CLCA1: variants seen among roughly 807,000 people sequenced by gnomAD.
CLCA1 encodes chloride channel accessory 1.
CLCA1 carries 59 observed loss-of-function variants against 85.6 expected under a neutral mutation model. The ratio of observed to expected loss-of-function variants is 0.69; its 90% CI spans 0.56 to 0.86. The LOEUF (loss-of-function observed/expected upper bound fraction) is 0.86, where lower values mean the gene tolerates loss of function less well. Ranked by LOEUF, CLCA1 falls within the 40% of genes least tolerant of loss-of-function variation. The pLI, the probability that CLCA1 is intolerant of heterozygous loss-of-function variation, is 0.00. For synonymous variants in CLCA1, 396 were observed against 398.3 expected, an observed-to-expected ratio of 0.99 and a Z score of 0.07; for missense variants, 1,022 against 1,101.4, an observed-to-expected ratio of 0.93 and a Z score of 1.02.
At chr1:86,497,861 G>C (rs746423714) in intron 12 of CLCA1, among the ~76,000 whole-genome samples, 1 of 152,188 alleles carries the variant, frequency 6.6e-6, no homozygotes, top group African/African-American at 2.4e-5. Context: ...TTAGTCTTTA[G>C]GCCCGGCACA....
In CLCA1 at chr1:86,485,525, T is replaced by G. The variant is rs1287489550; in HGVS notation, c.918T>G (p.Ile306Met). The change falls in exon 6 of 14, where the codon ATT becomes ATG. Residue 306 changes from isoleucine to methionine, a missense_variant. Coordinates refer to ENST00000394711, the MANE Select transcript of CLCA1 (RefSeq NM_001285.4). ...CATTGCTGCAGATTGGACAAAGAAT[T>G]GTGTGTTTAGTCCTTGACAAATCTG... ...TFSLLQIGQR[I>M]VCLVLDKSGS... 2 of 1,614,136 alleles carry G rather than the reference T, an allele frequency of 1.2e-6. No homozygotes were observed. Among genetic ancestry groups the G allele is most frequent in the Non-Finnish European group, 1.7e-6 (2 of 1,180,022 alleles).
intron 4 of CLCA1, among the ~76,000 whole-genome samples, chr1:86,479,735 A>C (rs979841350): frequency 3.9e-5 from 6 of 152,128 alleles, no homozygotes; most frequent in Non-Finnish European, 8.8e-5. Context: ...AATACAAAAA[A>C]TTAGCCAGGC....
At position 86,470,849 on chromosome 1, in the gene CLCA1, T is replaced by C. The variant is rs573498758; in HGVS notation, c.162+1716T>C. On this transcript the variant is annotated intron_variant, in intron 1 of 13. Coordinates refer to ENST00000394711, the MANE Select transcript of CLCA1 (RefSeq NM_001285.4). Reference sequence around the variant, plus strand: ...AACAACCTTCTTGCTGATGAGAGACTCTCCCCTGGTGCCCCTGTGGGGACA... The same window carrying C: ...AACAACCTTCTTGCTGATGAGAGACCCTCCCCTGGTGCCCCTGTGGGGACA... Among the ~76,000 whole-genome samples the C allele has an allele frequency of 1.7e-4, 26 of 152,230 alleles. No individual in the cohort carries two copies. The East Asian group carries it at 5.0e-3, about 29-fold the overall frequency.
At chr1:86,481,409 G>A (rs565896236) in intron 4 of CLCA1, among the ~76,000 whole-genome samples, 69 of 152,092 alleles carry the variant, frequency 4.5e-4, no homozygotes, top group South Asian at 6.2e-4. Context: ...AAAGTGCTGG[G>A]ATTACAGGTG....
chr1:86,489,005 A>C lies in CLCA1; in HGVS notation c.1192A>C (p.Lys398Gln). Residue 398 changes from lysine (K) to glutamine (Q), a missense_variant, in exon 8 of 14, where the codon AAG becomes CAG. Coordinates refer to ENST00000394711, the MANE Select transcript of CLCA1 (RefSeq NM_001285.4). ...GLRSAFTVIR[K>Q]KYPTDGSEIV... ...TAAATTCTGTCCTTAGGTGATTAGG[A>C]AGAAATATCCAACTGATGGATCTGA... 1 of 1,613,910 alleles carries C rather than the reference A, an allele frequency of 6.2e-7. No individual in the cohort carries two copies.
intron 5 of CLCA1, among the ~76,000 whole-genome samples, chr1:86,483,909 T>A (rs1647886109): frequency 6.6e-6 from 1 of 152,152 alleles, no homozygotes. Flanking sequence ...CAGTTCCACA[T>A]GGCTAGGGAG....
rs754939887 is a variant in CLCA1 at position 86,468,946 on chromosome 1, G to A, written c.-26G>A. 2 of 1,569,826 alleles carry A rather than the reference G, an allele frequency of 1.3e-6. No homozygotes were observed. The highest frequency in any genetic ancestry group is 1.9e-5 in the Admixed American group (1 of 53,930). On this transcript the variant is annotated 5_prime_UTR_variant, in exon 1 of 14. Transcript: ENST00000394711. ...CTTCGTAACCCGCATTTTCCAAAGAGAGAAATCACAGGGAGATGTACAGCA... is the reference window on the plus strand; with the variant it reads ...CTTCGTAACCCGCATTTTCCAAAGAAAGAAATCACAGGGAGATGTACAGCA...
chr1:86,475,317 TGCCCC>T (rs1647612612), intron 3 of CLCA1, among the ~76,000 whole-genome samples: 1 of 152,186 alleles, frequency 6.6e-6, no homozygotes, highest in Non-Finnish European at 1.5e-5. Flanking sequence ...TTCCACAGAA[TGCCCC>T]ACCTCACATA....
chr1:86,491,504 G>A (rs1648133888), intron 9 of CLCA1, 133 bp downstream of exon 9: 3 of 560,300 alleles, frequency 5.4e-6, no homozygotes, highest in South Asian at 6.0e-5. Flanking sequence ...GGTCCAGCTT[G>A]ATATTAAACA....
In CLCA1 at chr1:86,487,417, C is replaced by T. The variant is rs72951901; in HGVS notation, c.1182+664C>T. The stretch of plus-strand genomic sequence containing the variant: ...ATTCTGCATCTTCCATTCAGATGAG[C>T]GAGAGAGAGAGAGTGTGCAGTACAC... On this transcript the variant is annotated intron_variant, in intron 7 of 13. Transcript: ENST00000394711. Among the ~76,000 whole-genome samples the T allele has an allele frequency of 2.6e-3, 395 of 151,886 alleles. 2 individuals carry two copies. The highest frequency in any genetic ancestry group is 8.9e-3 in the African/African-American group (370 of 41,380).
Position 86,482,395 on chromosome 1 carries a change from T to C in CLCA1, c.735+13T>C. ...ACATGTTGATTCTGTAAGTACCTTG[T>C]TCTCACCCCCTCCCCCAGATTCTTA... On this transcript the variant is annotated intron_variant, in intron 5 of 13. Transcript: ENST00000394711. 5.0e-6 allele frequency: 8 copies of C among 1,608,494 alleles called. No individual in the cohort carries two copies. The highest frequency in any genetic ancestry group is 6.8e-6 in the Non-Finnish European group (8 of 1,176,684).
intron 5 of CLCA1, among the ~76,000 whole-genome samples, chr1:86,483,989 GA>G (rs1647888207): frequency 6.6e-6 from 1 of 152,062 alleles, no homozygotes; most frequent in Admixed American, 6.5e-5. Context: ...GGTGGCAGGA[GA>G]GAGAGAATGC....
At chr1:86,471,589 T>C (rs1045168912) in intron 1 of CLCA1, among the ~76,000 whole-genome samples, 11 of 152,234 alleles carry the variant, frequency 7.2e-5, no homozygotes, top group Admixed American at 4.6e-4. Context: ...AGTCAAATGG[T>C]AAAACAATAC....
chr1:86,492,684 C>A (rs1648168709), intron 9 of CLCA1, among the ~76,000 whole-genome samples: 1 of 152,206 alleles, frequency 6.6e-6, no homozygotes, highest in African/African-American at 2.4e-5. Flanking sequence ...TACCTCACTC[C>A]CACTCTGCAG....
Position 86,485,549 on chromosome 1 carries a change from T to C in CLCA1, c.942T>C (p.Ser314=). 1 of 1,614,112 alleles carries C rather than the reference T, an allele frequency of 6.2e-7. No individual in the cohort carries two copies. The highest frequency in any genetic ancestry group is 8.5e-7 in the Non-Finnish European group (1 of 1,179,942). ...TTGTGTGTTTAGTCCTTGACAAATC[T>C]GGAAGCATGGCGGTATGTTCAATGA... ...QRIVCLVLDK[S]GSMATGNRLN... is the part of the protein sequence containing the mutation. The change falls in exon 6 of 14, where the codon TCT becomes TCC. Residue 314 remains serine (S), a synonymous_variant. Transcript: ENST00000394711.
intron 6 of CLCA1, 123 bp from the exon 7 acceptor site, chr1:86,486,403 T>C: frequency 1.2e-6 from 1 of 808,968 alleles, no homozygotes; most frequent in Non-Finnish European, 1.9e-6. Context: ...AGGATATGCC[T>C]CAAGTAAGCT....
At chr1:86,483,696 G>A (rs186024651) in intron 5 of CLCA1, among the ~76,000 whole-genome samples, 2 of 152,176 alleles carry the variant, frequency 1.3e-5, no homozygotes, top group East Asian at 3.9e-4. Flanking sequence ...AATAATTCAG[G>A]TGCAGAGAGG....
chr1:86,494,293 AAACG>A lies in CLCA1; in HGVS notation c.1791_1794del (p.Asn598ArgfsTer11). On this transcript the variant is annotated frameshift_variant, in exon 11 of 14. Coordinates refer to ENST00000394711, the MANE Select transcript of CLCA1 (RefSeq NM_001285.4). LOFTEE classifies it high-confidence loss of function. ...CTGCCTCCAATTACAGTGACTTCCA[AAACG>A]AACAAGGACACCAGCAAATTCCCCA... The A allele has an allele frequency of 5.0e-6, 8 of 1,614,168 alleles. No individual in the cohort carries two copies. Among genetic ancestry groups the A allele is most frequent in the Non-Finnish European group, 6.8e-6 (8 of 1,180,032 alleles).
intron 7 of CLCA1, among the ~76,000 whole-genome samples, chr1:86,487,435 C>T (rs570012540): frequency 6.6e-6 from 1 of 152,074 alleles, no homozygotes; most frequent in African/African-American, 2.4e-5. Flanking sequence ...AGAGAGTGTG[C>T]AGTACACCAG....
Sources: allele counts gnomAD v4.1 joint callset (sites outside exome capture counted in the v4.1 genomes callset), GRCh38; gene constraint gnomAD v4.1.1; transcripts MANE v1.5; gene names NCBI Gene and HGNC (gene_info 2026-07-23, HGNC 2026-07-21).